The following HNRNPD variants were observed in gnomAD, a reference collection of about 807,000 sequenced individuals.
HNRNPD encodes the protein heterogeneous nuclear ribonucleoprotein D.
A neutral mutation model predicts 47.9 loss-of-function variants in HNRNPD; 3 were observed. That is an observed-to-expected ratio of 0.06 (90% CI 0.03 to 0.16). The LOEUF (loss-of-function observed/expected upper bound fraction) is 0.16, where lower values mean the gene tolerates loss of function less well. HNRNPD is among the 10% of genes least tolerant of loss of function. The probability of loss-of-function intolerance (pLI) is 1.00; values close to 1 mark genes in which losing one functional copy is unlikely to be tolerated. For synonymous variants in HNRNPD, 171 were observed against 165.1 expected (o/e 1.04, Z -0.28); for missense variants, 287 against 454.2 (o/e 0.63, Z 3.35).
chr4:82,355,655 TAA>T (rs943836374), intron 7 of HNRNPD: 17 of 471,818 alleles, frequency 3.6e-5, no homozygotes, highest in East Asian at 1.4e-4. Context: ...CCTTACAGTT[TAA>T]AAGTTTTAAG....
intron 2 of HNRNPD, among the ~76,000 whole-genome samples, chr4:82,363,785 T>C (rs746564869): frequency 3.3e-5 from 5 of 152,240 alleles, no homozygotes; most frequent in Admixed American, 6.5e-5. Context: ...GAAGTCTCCT[T>C]GCTTTCACAT....
chr4:82,360,406 C>G (rs1190643459), intron 2 of HNRNPD, among the ~76,000 whole-genome samples: 5 of 151,892 alleles, frequency 3.3e-5, no homozygotes, highest in Non-Finnish European at 4.4e-5. Flanking sequence ...CGAAATCTTA[C>G]TAACATTACA....
chr4:82,372,344 C>G (rs1720087414), intron 1 of HNRNPD, among the ~76,000 whole-genome samples: 1 of 152,062 alleles, frequency 6.6e-6, no homozygotes, highest in Admixed American at 6.6e-5. Context: ...GTAGTATATA[C>G]AACTGTTATT....
At chr4:82,367,693 G>A (rs1326722592) in intron 2 of HNRNPD, among the ~76,000 whole-genome samples, 2 of 152,170 alleles carry the variant, frequency 1.3e-5, no homozygotes, top group Non-Finnish European at 2.9e-5. Context: ...TACTGGCCAA[G>A]CACCACCAGT....
Position 82,358,453 on chromosome 4 carries a change from T to G in HNRNPD, c.621+206A>C, listed in dbSNP as rs933866552. Reference sequence around the variant, plus strand: ...TGTATACTCTACCCCAGCAATACTCTGCATAGAGTAGGTGCTCAATGAGAA... The same window carrying G: ...TGTATACTCTACCCCAGCAATACTCGGCATAGAGTAGGTGCTCAATGAGAA... On this transcript the variant is annotated intron_variant, in intron 4 of 8. Coordinates refer to ENST00000313899, the MANE Select transcript of HNRNPD (RefSeq NM_031370.3). 10 of 489,688 alleles carry G rather than the reference T, an allele frequency of 2.0e-5. No individual in the cohort carries two copies. The Admixed American group carries it at 2.3e-4, about 11-fold the overall frequency. 30.3% of individuals were successfully genotyped at this position (489,688 alleles called of 1,614,324 possible).
chr4:82,356,831 C>G lies in HNRNPD; in HGVS notation c.818G>C (p.Gly273Ala). The G allele has an allele frequency of 6.2e-7, 1 of 1,614,144 alleles. No individual in the cohort carries two copies. ...YQQQQQWGSR[G>A]GFAGRARGRG... ...TCCACGAGCTCTTCCTGCAAATCCT[C>G]CTCTAGATCCCCACTGTTGCTGTTG... is the stretch of plus-strand genomic sequence containing the variant. The change falls in exon 6 of 9, where the codon GGA becomes GCA. Residue 273 changes from glycine (G) to alanine (A), a missense_variant. This residue lies in a region of HNRNPD where 65 missense variants were observed against 107.1 expected (regional missense o/e 0.61). Coordinates refer to ENST00000313899, the MANE Select transcript of HNRNPD (RefSeq NM_031370.3).
intron 2 of HNRNPD, among the ~76,000 whole-genome samples, chr4:82,366,124 CCAAA>C (rs1210477673): frequency 2.6e-5 from 4 of 152,120 alleles, no homozygotes; most frequent in East Asian, 1.9e-4. Flanking sequence ...ATACAATGGA[CCAAA>C]CATTTTCAGA....
intron 5 of HNRNPD, 123 bp downstream of exon 5, chr4:82,357,190 G>T: frequency 8.7e-7 from 1 of 1,155,190 alleles, no homozygotes; most frequent in Non-Finnish European, 1.2e-6. Context: ...TTGGTCAATG[G>T]TAAGTAACCA....
intron 2 of HNRNPD, among the ~76,000 whole-genome samples, chr4:82,367,605 T>A (rs1459956755): frequency 2.0e-5 from 3 of 152,182 alleles, no homozygotes; most frequent in Non-Finnish European, 4.4e-5. Flanking sequence ...CCTGGCTGTG[T>A]GGGCTCTGTG....
At chr4:82,358,860 T>G in intron 3 of HNRNPD, 40 bp from the exon 4 acceptor site, 1 of 1,398,412 alleles carries the variant, frequency 7.2e-7, no homozygotes, top group Non-Finnish European at 9.9e-7. Context: ...ATATATATCT[T>G]AACTGAAGTT....
chr4:82,355,312 GA>G lies in HNRNPD; in HGVS notation c.*21del, dbSNP rs2109987937. 1.9e-6 allele frequency: 3 copies of G among 1,578,658 alleles called. No homozygotes were observed. Among genetic ancestry groups the G allele is most frequent in the East Asian group, 2.2e-5 (1 of 44,700 alleles). ...CTATTTTTAGAACATACCTGTTGGG[GA>G]TAAGTTGCAAATGGAATAATTTAGT... On this transcript the variant is annotated 3_prime_UTR_variant, in exon 8 of 9. Coordinates refer to ENST00000313899, the MANE Select transcript of HNRNPD (RefSeq NM_031370.3).
chr4:82,372,302 G>A (rs961532775), intron 1 of HNRNPD, among the ~76,000 whole-genome samples: 2 of 152,046 alleles, frequency 1.3e-5, no homozygotes, highest in African/African-American at 2.4e-5. Flanking sequence ...AATCCCAAAT[G>A]CTGCATTTTA....
At chr4:82,358,021 A>G (rs1197059181) in intron 4 of HNRNPD, 3 of 152,330 alleles carry the variant, frequency 2.0e-5, no homozygotes, top group African/African-American at 7.2e-5. Context: ...TGTCTGTGGG[A>G]CGTATCTGGA....
intron 2 of HNRNPD, among the ~76,000 whole-genome samples, chr4:82,369,909 G>A (rs536223762): frequency 8.5e-5 from 13 of 152,314 alleles, no homozygotes; most frequent in East Asian, 3.9e-4. Context: ...TGGGGAGGCC[G>A]AGGCAGGCGG....
rs201124784 is a variant in HNRNPD at position 82,357,279 on chromosome 4, G to C, written c.753+34C>G. The C allele has an allele frequency of 8.2e-6, 13 of 1,582,638 alleles. No homozygotes were observed. In the East Asian group the frequency reaches 2.7e-4, roughly 33 times the overall value. On this transcript the variant is annotated intron_variant, in intron 5 of 8. Coordinates refer to ENST00000313899, the MANE Select transcript of HNRNPD (RefSeq NM_031370.3). The stretch of plus-strand genomic sequence containing the variant: ...ATGGTTAAGCTCTTTACAACAGCTA[G>C]TTTTCTCTACAAGTAAATGGATGCT...
chr4:82,357,600 G>A, intron 4 of HNRNPD, 156 bp from the exon 5 acceptor site: 2 of 576,430 alleles, frequency 3.5e-6, no homozygotes, highest in Non-Finnish European at 5.7e-6. Context: ...ATCCTTTTAA[G>A]GAATTCTTCA....
Position 82,355,327 on chromosome 4 carries a change from G to T in HNRNPD, c.*7C>A. ...ACCTGTTGGGGATAAGTTGCAAATGGAATAATTTAGTATGGTTTGTAGCTA... is the reference window on the plus strand; with the variant it reads ...ACCTGTTGGGGATAAGTTGCAAATGTAATAATTTAGTATGGTTTGTAGCTA... On this transcript the variant is annotated 3_prime_UTR_variant, in exon 8 of 9. Transcript: ENST00000313899. 6.2e-7 allele frequency: 1 copy of T among 1,608,320 alleles called. No homozygotes were observed. The highest frequency in any genetic ancestry group is 8.5e-7 in the Non-Finnish European group (1 of 1,174,892).
At chr4:82,362,742 G>C (rs151304409) in intron 2 of HNRNPD, among the ~76,000 whole-genome samples, 2 of 152,086 alleles carry the variant, frequency 1.3e-5, no homozygotes, top group East Asian at 3.9e-4. Context: ...AGGGATTACA[G>C]GCTGCACCAC....
intron 2 of HNRNPD, among the ~76,000 whole-genome samples, chr4:82,363,965 G>A (rs543971541): frequency 3.9e-5 from 6 of 152,136 alleles, no homozygotes; most frequent in Non-Finnish European, 7.4e-5. Flanking sequence ...ACAAAATGCC[G>A]GGGTTTAAAC....
Sources: gnomAD v4.1 joint callset for allele counts (sites outside exome capture counted in the v4.1 genomes callset) on GRCh38, gnomAD v4.1.1 for gene constraint, gnomAD v4.1.1 regional missense constraint, MANE v1.5 for transcripts, NCBI Gene and HGNC (gene_info 2026-07-23, HGNC 2026-07-21) for gene names.